Variants in SSH1 observed in about 807,000 individuals in gnomAD.
SSH1 encodes the protein protein phosphatase Slingshot homolog 1.
Under a neutral mutation model 79.7 loss-of-function variants are expected in SSH1, and 43 were observed. The ratio of observed to expected loss-of-function variants is 0.54; its 90% CI spans 0.42 to 0.70. The LOEUF is 0.70. SSH1 is among the 30% of genes least tolerant of loss of function. SSH1 has a pLI of 0.00. For missense variants in SSH1, 1,206 were observed against 1,358.8 expected (o/e 0.89, Z 1.77); for synonymous variants, 599 against 538.3 (o/e 1.11, Z -1.56).
At chr12:108,794,439 T>C (rs938061758) in intron 13 of SSH1, among the ~76,000 whole-genome samples, 1 of 152,180 alleles carries the variant, frequency 6.6e-6, no homozygotes, top group East Asian at 1.9e-4. Context: ...GTATGGGGGA[T>C]AGGTCAACCT....
rs757342023 is a variant in SSH1 at position 108,799,017 on chromosome 12, T to C, written c.1332A>G (p.Glu444=). ...GCACCCACCTTGCATCCAAGATGCC[T>C]TCATACTCAGACAGCTGCCTCATAA... is the stretch of plus-strand genomic sequence containing the variant. ...AGFMRQLSEY[E]GILDASKQRH... The change falls in exon 13 of 15, where the codon GAA becomes GAG. Residue 444 remains glutamate (E), a synonymous_variant. Transcript: ENST00000326495. 6.2e-7 allele frequency: 1 copy of C among 1,613,556 alleles called. No homozygotes were observed. The highest frequency in any genetic ancestry group is 1.7e-5 in the Admixed American group (1 of 60,036).
chr12:108,827,247 G>T, intron 2 of SSH1: 1 of 1,541,080 alleles, frequency 6.5e-7, no homozygotes, highest in South Asian at 1.2e-5. Context: ...CCAGTAATCA[G>T]GGTGGTCATA....
At chr12:108,812,221 AC>A (rs1333349635) in intron 5 of SSH1, among the ~76,000 whole-genome samples, 1 of 152,126 alleles carries the variant, frequency 6.6e-6, no homozygotes, top group Non-Finnish European at 1.5e-5. Context: ...GTGCCATCCT[AC>A]CCACTCTGGA....
Position 108,781,612 on chromosome 12 carries a change from G to A in SSH1, c.*6376C>T, listed in dbSNP as rs2036147398. 1 of 152,168 alleles carries A rather than the reference G, an allele frequency of 6.6e-6. No individual in the cohort carries two copies. Among genetic ancestry groups the A allele is most frequent in the African/African-American group, 2.4e-5 (1 of 41,434 alleles). 9.4% of individuals were successfully genotyped at this position (152,168 alleles called of 1,614,324 possible). A position where few individuals can be genotyped will look rare whatever the true frequency, so the allele number is the denominator to read the frequency against. On this transcript the variant is annotated 3_prime_UTR_variant, in exon 15 of 15. Transcript: ENST00000326495. ...GCAGGCACTGGAATTTAGGGGTCAC[G>A]CCCAGGTACTTGTGACAGTTAGTGC... is the stretch of plus-strand genomic sequence containing the variant.
At position 108,788,383 on chromosome 12, in the gene SSH1, T is replaced by C; in HGVS notation, c.2755A>G (p.Ile919Val). 1 of 1,612,538 alleles carries C rather than the reference T, an allele frequency of 6.2e-7. No individual in the cohort carries two copies. ...GAAGAGGAGGTGGGGGTGTAGCAGA[T>C]GGTCTTCAGAAAGTCTTTTGAGAAA... ...SSFSKDFLKT[I>V]CYTPTSSSMS... Residue 919 changes from isoleucine (I) to valine (V), a missense_variant, in exon 15 of 15, where the codon ATC (isoleucine) becomes GTC (valine). Physicochemically the swap from Ile to Val is conservative, Grantham distance 29. Coordinates refer to ENST00000326495, the MANE Select transcript of SSH1 (RefSeq NM_018984.4).
At chr12:108,847,359 C>T (rs1050862252) in intron 2 of SSH1, among the ~76,000 whole-genome samples, 2 of 152,204 alleles carry the variant, frequency 1.3e-5, no homozygotes, top group Non-Finnish European at 2.9e-5. Flanking sequence ...CTTAGGTCTG[C>T]CTGACTCAGA....
intron 9 of SSH1, 58 bp from the exon 10 acceptor site, chr12:108,805,242 CA>C: frequency 6.3e-7 from 1 of 1,583,504 alleles, no homozygotes. Flanking sequence ...TCGTCCACCT[CA>C]AAAGAATTAA....
Position 108,807,719 on chromosome 12 carries a change from G to C in SSH1, c.645C>G (p.Ser215Arg), listed in dbSNP as rs1026503705. The change falls in exon 8 of 15, where the codon AGC becomes AGG. Residue 215 changes from serine (S) to arginine (R), a missense_variant. This residue lies in a region of SSH1 where 116 missense variants were observed against 109.0 expected (regional missense o/e 1.06). Coordinates refer to ENST00000326495, the MANE Select transcript of SSH1 (RefSeq NM_018984.4). This position sits in a 1 kb window ranked among gnomAD's most constrained non-coding sequence, Gnocchi z 5.2. The stretch of plus-strand genomic sequence containing the variant: ...ACTCGTTGATGCAGCTCTGCTCGGA[G>C]CTGATGCAGCTCTCATAGTAGGTAG... ...IWATYYESCI[S>R]SEQSCINEWN... 2 of 1,613,416 alleles carry C rather than the reference G, an allele frequency of 1.2e-6. No homozygotes were observed. The highest frequency in any genetic ancestry group is 1.7e-6 in the Non-Finnish European group (2 of 1,179,588).
intron 2 of SSH1, among the ~76,000 whole-genome samples, chr12:108,825,058 T>C (rs1033704599): frequency 1.3e-5 from 2 of 152,304 alleles, no homozygotes; most frequent in Admixed American, 1.3e-4. Context: ...AAAACACTAC[T>C]ATATAATTTA....
intron 14 of SSH1, 34 bp from the exon 15 acceptor site, chr12:108,789,278 G>A (rs1297405437): frequency 4.5e-6 from 7 of 1,567,970 alleles, no homozygotes; most frequent in Non-Finnish European, 6.1e-6. Context: ...TGGTGAGACG[G>A]TGCAGTCATG....
At position 108,788,339 on chromosome 12, in the gene SSH1, G is replaced by C. The variant is rs1004229350; in HGVS notation, c.2799C>G (p.Thr933=). ...PTSSSMSSNL[T]RSSSSDSIHS... is the part of the protein sequence containing the mutation. ...GGATGCTATCGCTGCTGGAGCTCCG[G>C]GTCAGGTTGGAGCTCATGGAAGAGG... The change falls in exon 15 of 15, where the codon ACC becomes ACG. Residue 933 remains threonine (T), a synonymous_variant. Transcript: ENST00000326495. 1.2e-6 allele frequency: 2 copies of C among 1,613,166 alleles called. No individual in the cohort carries two copies. Among genetic ancestry groups the C allele is most frequent in the Non-Finnish European group, 1.7e-6 (2 of 1,179,978 alleles).
chr12:108,798,049 C>T (rs552889433), intron 13 of SSH1, among the ~76,000 whole-genome samples: 40 of 152,354 alleles, frequency 2.6e-4, no homozygotes, highest in Admixed American at 6.5e-4. Flanking sequence ...TGGATGCTGC[C>T]ATGGGGCCTG....
At chr12:108,853,293 A>C in intron 1 of SSH1, 1 of 985,098 alleles carries the variant, frequency 1.0e-6, no homozygotes, top group Non-Finnish European at 1.2e-6. Flanking sequence ...ATTTTCTGAA[A>C]TCTAAAAGGC....
chr12:108,802,536 T>C (rs536805172), intron 10 of SSH1, among the ~76,000 whole-genome samples, 168 bp from the exon 11 acceptor site: 1 of 151,600 alleles, frequency 6.6e-6, no homozygotes, highest in South Asian at 2.1e-4. Context: ...GATTCCTGAG[T>C]GAGTACTCAG....
chr12:108,835,933 AATTATAACTATATTAATATAATCG>A (rs1555238902), intron 2 of SSH1, among the ~76,000 whole-genome samples: 3 of 23,518 alleles, frequency 1.3e-4, no homozygotes, highest in Non-Finnish European at 1.7e-4. Flanking sequence ...TAATATAATC[AATTATAACTATATTAATATAATCG>A]ATTATAACTA....
rs757537876 is a variant in SSH1 at position 108,792,472 on chromosome 12, C to G, written c.1707G>C (p.Lys569Asn). ...TGGGACTCCCAAACTCTAGTTTCTTCTTCACATCCTTCTCACAGAGTCCGG... is the reference window on the plus strand; with the variant it reads ...TGGGACTCCCAAACTCTAGTTTCTTGTTCACATCCTTCTCACAGAGTCCGG... ...QGSGLCEKDV[K>N]KKLEFGSPKG... is the part of the protein sequence containing the mutation. Residue 569 changes from lysine to asparagine, a missense_variant, in exon 14 of 15, where the codon AAG becomes AAC. Physicochemically the swap from Lys to Asn is moderately conservative, Grantham distance 94. Around this residue, in one of 5 missense-constraint regions of SSH1, gnomAD observed 709 missense variants for 730.6 expected, o/e 0.97. Transcript: ENST00000326495. The G allele has an allele frequency of 1.9e-6, 3 of 1,614,224 alleles. No homozygotes were observed. In the Admixed American group the frequency reaches 5.0e-5, roughly 27 times the overall value.
intron 13 of SSH1, 109 bp downstream of exon 13, chr12:108,798,891 T>C: frequency 1.2e-5 from 16 of 1,323,060 alleles, no homozygotes; most frequent in Non-Finnish European, 1.7e-5. Flanking sequence ...TGGAAGCGGC[T>C]GCTGGGCCGA....
chr12:108,819,086 G>A (rs575646968), intron 3 of SSH1, among the ~76,000 whole-genome samples: 2 of 152,052 alleles, frequency 1.3e-5, no homozygotes, highest in East Asian at 3.9e-4. Context: ...TCCACTGGAG[G>A]CAGACATTAT....
In SSH1 at chr12:108,789,261, A is replaced by T; in HGVS notation, c.1894-17T>A. 1 of 1,582,860 alleles carries T rather than the reference A, an allele frequency of 6.3e-7. No homozygotes were observed. Among genetic ancestry groups the T allele is most frequent in the Non-Finnish European group, 8.6e-7 (1 of 1,163,526 alleles). On this transcript the variant is annotated splice_polypyrimidine_tract_variant and intron_variant, in intron 14 of 14. Coordinates refer to ENST00000326495, the MANE Select transcript of SSH1 (RefSeq NM_018984.4). ...AGCATCATCCTGCAAGGAAGGGGAC[A>T]AGAGCATGGTGAGACGGTGCAGTCA...
Sources: gnomAD v4.1 joint callset for allele counts (sites outside exome capture counted in the v4.1 genomes callset) on GRCh38, gnomAD v4.1.1 for gene constraint, gnomAD v4.1.1 regional missense constraint, Gnocchi (gnomAD v3.1) non-coding constraint, MANE v1.5 for transcripts, NCBI Gene and HGNC (gene_info 2026-07-23, HGNC 2026-07-21) for gene names.